Variants in MORC2 observed in about 807,000 individuals in gnomAD.
MORC2 encodes the protein MORC family CW-type zinc finger 2.
MORC2 carries 30 observed loss-of-function variants against 136.0 expected under a neutral mutation model. The ratio of observed to expected loss-of-function variants is 0.22; its 90% CI spans 0.17 to 0.30. The LOEUF (loss-of-function observed/expected upper bound fraction) is 0.30, where lower values mean the gene tolerates loss of function less well. Among genes scored for constraint, MORC2 ranks in the 10% least tolerant of loss-of-function variants. The probability of loss-of-function intolerance (pLI) is 1.00; values close to 1 mark genes in which losing one functional copy is unlikely to be tolerated. For missense variants in MORC2, 922 were observed against 1,333.1 expected (o/e 0.69, Z 4.80); for synonymous variants, 439 against 487.0 (o/e 0.90, Z 1.30).
chr22:30,948,700 T>C (rs1046598816), intron 5 of MORC2, among the ~76,000 whole-genome samples: 3 of 152,218 alleles, frequency 2.0e-5, no homozygotes, highest in African/African-American at 4.8e-5. Context: ...GCTCTACACA[T>C]AGGCATTTTT....
intron 1 of MORC2, among the ~76,000 whole-genome samples, chr22:30,966,817 G>A (rs985494196): frequency 1.3e-5 from 2 of 151,974 alleles, no homozygotes; most frequent in Non-Finnish European, 2.9e-5. Context: ...ATAAAAACAG[G>A]CTTTCACCAT....
chr22:30,968,029 A>G lies in MORC2; in HGVS notation c.-140T>C. ...TGACAGTTAAAGTAACCTAGTAGCT[A>G]TCCAAAATATATGCAGAGATGTTTA... On this transcript the variant is annotated 5_prime_UTR_variant, in exon 1 of 26. Transcript: ENST00000397641. The G allele has an allele frequency of 1.5e-6, 1 of 661,596 alleles. No individual in the cohort carries two copies. Among genetic ancestry groups the G allele is most frequent in the South Asian group, 1.9e-5 (1 of 51,596 alleles). The allele number at this position is 661,596 out of a possible 1,614,324, so 41.0% of individuals were successfully genotyped here.
chr22:30,965,141 G>A (rs554415175), intron 1 of MORC2, among the ~76,000 whole-genome samples: 1 of 152,306 alleles, frequency 6.6e-6, no homozygotes, highest in South Asian at 2.1e-4. Context: ...GCACCACACT[G>A]ATTTCCACAC....
intron 24 of MORC2, 78 bp from the exon 25 acceptor site, chr22:30,928,285 C>T: frequency 7.1e-7 from 1 of 1,417,060 alleles, no homozygotes; most frequent in Non-Finnish European, 9.9e-7. Flanking sequence ...ACACGGGTGT[C>T]TCCAGCCCGC....
chr22:30,949,286 C>T (rs530043581), intron 5 of MORC2, among the ~76,000 whole-genome samples: 33 of 152,278 alleles, frequency 2.2e-4, no homozygotes, highest in African/African-American at 7.5e-4. Flanking sequence ...CATTCAGCAT[C>T]CTCTGGGACG....
intron 6 of MORC2, among the ~76,000 whole-genome samples, 161 bp downstream of exon 6, chr22:30,946,180 T>G (rs1391045550): frequency 6.6e-6 from 1 of 152,176 alleles, no homozygotes; most frequent in Non-Finnish European, 1.5e-5. Flanking sequence ...CCTTAACCCC[T>G]CAACCAATTC....
intron 6 of MORC2, among the ~76,000 whole-genome samples, chr22:30,945,446 C>T (rs1412540891): frequency 4.6e-5 from 7 of 152,196 alleles, no homozygotes; most frequent in Non-Finnish European, 8.8e-5. Flanking sequence ...AGTCTGAATT[C>T]AATTACCTGC....
intron 1 of MORC2, chr22:30,967,214 A>G (rs2041141003): frequency 2.0e-6 from 2 of 985,894 alleles, no homozygotes; most frequent in Non-Finnish European, 2.4e-6. Flanking sequence ...GAACTCAAGA[A>G]CCATGAACAC....
rs1384525180 is a variant in MORC2 at position 30,932,057 on chromosome 22, G to C, written c.2841+302C>G. Among the ~76,000 whole-genome samples, 1 of 152,208 alleles carries C rather than the reference G, an allele frequency of 6.6e-6. No individual in the cohort carries two copies. The highest frequency in any genetic ancestry group is 2.4e-5 in the African/African-American group (1 of 41,446). On this transcript the variant is annotated intron_variant, in intron 24 of 25. Transcript: ENST00000397641. This position sits in a 1 kb window ranked among gnomAD's most constrained non-coding sequence, Gnocchi z 4.4. ...TACTGGGGCAGAAGAAAGTGGGTAT[G>C]CTTGTCATAAAATGTCAAACTACAC...
intron 5 of MORC2, among the ~76,000 whole-genome samples, chr22:30,947,469 C>A (rs959082227): frequency 2.6e-5 from 4 of 152,170 alleles, no homozygotes; most frequent in African/African-American, 7.2e-5. Flanking sequence ...CTTTATAACA[C>A]CCCAGGGAGA....
In MORC2 at chr22:30,935,126, G is replaced by A. The variant is rs1400683452; in HGVS notation, c.1848C>T (p.Pro616=). Reference sequence around the variant, plus strand: ...CGTTCCTGATCACAGCAGGTAAAGGGGGCGACCGAGGACGCTGAGGTCTAC... The same window carrying A: ...CGTTCCTGATCACAGCAGGTAAAGGAGGCGACCGAGGACGCTGAGGTCTAC... The part of the protein sequence containing the change: ...PVRRPQRPRS[P]PLPAVIRNAP... Residue 616 remains proline (P), a synonymous_variant, in exon 19 of 26, where the codon CCC becomes CCT. Coordinates refer to ENST00000397641, the MANE Select transcript of MORC2 (RefSeq NM_001303256.3). 30 of 1,613,360 alleles carry A rather than the reference G, an allele frequency of 1.9e-5. No homozygotes were observed. Among genetic ancestry groups the A allele is most frequent in the Non-Finnish European group, 2.5e-5 (30 of 1,179,736 alleles).
At chr22:30,950,339 A>ACACACCCCCCCCC in intron 4 of MORC2, 38 bp downstream of exon 4, 1 of 539,986 alleles carries the variant, frequency 1.9e-6, no homozygotes, top group Non-Finnish European at 3.5e-6. Context: ...GTTACATCGC[A>ACACACCCCCCCCC]CCCCCCCACC....
intron 1 of MORC2, among the ~76,000 whole-genome samples, chr22:30,962,420 A>G (rs1329213485): frequency 6.6e-6 from 1 of 151,618 alleles, no homozygotes; most frequent in African/African-American, 2.4e-5. Context: ...AGAAATAAAA[A>G]TAAATTATTA....
At position 30,941,600 on chromosome 22, in the gene MORC2, C is replaced by T. The variant is rs1186156831; in HGVS notation, c.699-42G>A. On this transcript the variant is annotated intron_variant, in intron 8 of 25. Transcript: ENST00000397641. The surrounding 1 kb of genome is among the most constrained non-coding windows in gnomAD (Gnocchi z 4.6). The stretch of plus-strand genomic sequence containing the variant: ...CAGAGAAGTGCTGTCACCTGCTCCA[C>T]AACAGGCCTGACCAAGGGCACAACA... 1.3e-6 allele frequency: 2 copies of T among 1,598,436 alleles called. No homozygotes were observed.
At chr22:30,959,276 T>C (rs2041009791) in intron 1 of MORC2, among the ~76,000 whole-genome samples, 2 of 152,146 alleles carry the variant, frequency 1.3e-5, no homozygotes, top group African/African-American at 4.8e-5. Flanking sequence ...GGGTTAATGT[T>C]AACAGGGGCC....
rs775311093 is a variant in MORC2 at position 30,946,469 on chromosome 22, G to C, written c.318-20C>G. On this transcript the variant is annotated intron_variant, in intron 5 of 25. Transcript: ENST00000397641. ...GAGCCCCTGAAAAGGAAACAGAAAT[G>C]GGTGTTATTCTCCCAGGAGTCAAAA... 1.3e-6 allele frequency: 2 copies of C among 1,587,992 alleles called. No homozygotes were observed. Among genetic ancestry groups the C allele is most frequent in the Non-Finnish European group, 1.7e-6 (2 of 1,160,804 alleles).
chr22:30,962,497 A>T (rs2041062172), intron 1 of MORC2, among the ~76,000 whole-genome samples: 1 of 150,952 alleles, frequency 6.6e-6, no homozygotes, highest in African/African-American at 2.4e-5. Flanking sequence ...TGAAAGGCTG[A>T]GGTGGGAGGA....
At chr22:30,944,393 C>T (rs922288874) in intron 6 of MORC2, among the ~76,000 whole-genome samples, 49 of 152,244 alleles carry the variant, frequency 3.2e-4, no homozygotes, top group African/African-American at 1.2e-3. Flanking sequence ...GAACACTTCT[C>T]CTTTAGTTCA....
chr22:30,928,406 G>A (rs1220923333), intron 24 of MORC2, among the ~76,000 whole-genome samples, 199 bp from the exon 25 acceptor site: 1 of 152,212 alleles, frequency 6.6e-6, no homozygotes, highest in African/African-American at 2.4e-5. Flanking sequence ...GCTGCCACAA[G>A]GAAGAAGACA....
Sources: gnomAD v4.1 joint callset for allele counts (sites outside exome capture counted in the v4.1 genomes callset) on GRCh38, gnomAD v4.1.1 for gene constraint, Gnocchi (gnomAD v3.1) non-coding constraint, MANE v1.5 for transcripts, NCBI Gene and HGNC (gene_info 2026-07-23, HGNC 2026-07-21) for gene names.